KIF6: variants seen among roughly 807,000 people sequenced by gnomAD.
The protein encoded by KIF6 is kinesin family member 6, also known as kinesin-like protein KIF6.
Under a neutral mutation model 112.7 loss-of-function variants are expected in KIF6, and 106 were observed. That is an observed-to-expected ratio of 0.94 (90% CI 0.80 to 1.11). The LOEUF (loss-of-function observed/expected upper bound fraction) is 1.11. KIF6 is among the 50% of genes least tolerant of loss of function. KIF6 has a pLI of 0.00. For synonymous variants in KIF6, 339 were observed against 339.9 expected (o/e 1.00, Z 0.03); for missense variants, 929 against 964.0 (o/e 0.96, Z 0.48).
At chr6:39,674,007 T>A (rs1410456484) in intron 3 of KIF6, among the ~76,000 whole-genome samples, 2 of 152,160 alleles carry the variant, frequency 1.3e-5, no homozygotes, top group African/African-American at 2.4e-5. Flanking sequence ...TCTGGTACTA[T>A]TCTTTTGGGG....
intron 3 of KIF6, among the ~76,000 whole-genome samples, chr6:39,696,792 A>G (rs962047886): frequency 3.9e-5 from 6 of 152,060 alleles, no homozygotes; most frequent in African/African-American, 1.4e-4. Context: ...GGACACACAC[A>G]CACACACATC....
rs77357335 is a variant in KIF6, at chr6:39,671,599, T to C, written c.252-31842A>G. Among the ~76,000 whole-genome samples the C allele has an allele frequency of 7.6e-3, 1,155 of 152,280 alleles. 96 individuals carry two copies. In the East Asian group the frequency reaches 0.17, roughly 23 times the overall value. ...CTCATTCTCCAGGCACTCCCCACTA[T>C]TGTGCTTCTCACGCCATCCCAGACA... On this transcript the variant is annotated intron_variant, in intron 3 of 22. Coordinates refer to ENST00000287152, the MANE Select transcript of KIF6 (RefSeq NM_145027.6).
chr6:39,522,701 C>T (rs903194613), intron 13 of KIF6, among the ~76,000 whole-genome samples: 18 of 152,314 alleles, frequency 1.2e-4, no homozygotes, highest in East Asian at 1.2e-3. Flanking sequence ...GAACCACATC[C>T]ATCTCCTTCA....
intron 2 of KIF6, among the ~76,000 whole-genome samples, chr6:39,715,875 CT>C (rs1361258465): frequency 1.3e-5 from 2 of 152,184 alleles, no homozygotes; most frequent in African/African-American, 2.4e-5. Flanking sequence ...TGTATCACAG[CT>C]TCAGATATGA....
chr6:39,688,198 T>C (rs966197445), intron 3 of KIF6, among the ~76,000 whole-genome samples: 1 of 152,052 alleles, frequency 6.6e-6, no homozygotes, highest in African/African-American at 2.4e-5. Flanking sequence ...TCCCCTCTGA[T>C]CTCCTGCTGG....
rs553492107 is a variant in KIF6 at position 39,376,863 on chromosome 6, A to T, written c.1861+8759T>A. On this transcript the variant is annotated intron_variant, in intron 16 of 22. Coordinates refer to ENST00000287152, the MANE Select transcript of KIF6 (RefSeq NM_145027.6). The stretch of plus-strand genomic sequence containing the variant: ...GCTGCAGAACTCTTTCTTCAAATAC[A>T]AGCTTAATGGAAAGAAAAAAAAAGA... Among the ~76,000 whole-genome samples, 4 of 152,308 alleles carry T rather than the reference A, an allele frequency of 2.6e-5. No individual in the cohort carries two copies. The East Asian group carries it at 5.8e-4, about 22-fold the overall frequency.
intron 16 of KIF6, among the ~76,000 whole-genome samples, chr6:39,377,331 G>C (rs955074290): frequency 1.3e-5 from 2 of 152,024 alleles, no homozygotes; most frequent in Non-Finnish European, 2.9e-5. Context: ...TTACAGGTAT[G>C]AGCCACTGTG....
chr6:39,676,255 C>T (rs1318577032), intron 3 of KIF6, among the ~76,000 whole-genome samples: 1 of 152,166 alleles, frequency 6.6e-6, no homozygotes, highest in East Asian at 1.9e-4. Flanking sequence ...AAGACATTGC[C>T]TGAAAAAGAC....
chr6:39,706,519 T>C (rs1789221486), intron 3 of KIF6, among the ~76,000 whole-genome samples: 1 of 152,250 alleles, frequency 6.6e-6, no homozygotes, highest in Non-Finnish European at 1.5e-5. Context: ...TTTTTAATCA[T>C]AAGACCATGT....
rs1020070347 is a variant in KIF6, at chr6:39,338,704, G to A, written c.2429-2156C>T. ...GTGGGTCCAGGTGATTCTGAGGCATGGCCATGGCTGAAACTCACTGCTTTT... is the reference window on the plus strand; with the variant it reads ...GTGGGTCCAGGTGATTCTGAGGCATAGCCATGGCTGAAACTCACTGCTTTT... On this transcript the variant is annotated intron_variant, in intron 22 of 22. Coordinates refer to ENST00000287152, the MANE Select transcript of KIF6 (RefSeq NM_145027.6). 5.3e-5 allele frequency among the ~76,000 whole-genome samples: 8 copies of A among 152,328 alleles called. No homozygotes were observed. The East Asian group carries it at 1.5e-3, about 29-fold the overall frequency.
intron 13 of KIF6, among the ~76,000 whole-genome samples, chr6:39,509,596 A>G (rs1776643941): frequency 6.6e-6 from 1 of 152,242 alleles, no homozygotes; most frequent in Non-Finnish European, 1.5e-5. Flanking sequence ...ACAAGCTTCA[A>G]TAGCTGATTC....
intron 3 of KIF6, among the ~76,000 whole-genome samples, chr6:39,677,012 C>CA (rs1255701470): frequency 1.3e-5 from 2 of 151,818 alleles, no homozygotes; most frequent in Non-Finnish European, 2.9e-5. Context: ...AAAATAAAAA[C>CA]AAAAAATATA....
At chr6:39,683,689 G>C (rs1414366893) in intron 3 of KIF6, among the ~76,000 whole-genome samples, 2 of 152,298 alleles carry the variant, frequency 1.3e-5, no homozygotes, top group East Asian at 3.9e-4. Flanking sequence ...AGTGTTAAGG[G>C]CTCATGAAGG....
intron 13 of KIF6, among the ~76,000 whole-genome samples, chr6:39,509,663 T>C (rs1776647805): frequency 6.6e-6 from 1 of 151,780 alleles, no homozygotes; most frequent in African/African-American, 2.4e-5. Context: ...AAATAAAGCA[T>C]GAAGACAAGA....
intron 13 of KIF6, among the ~76,000 whole-genome samples, chr6:39,530,315 G>A (rs557950218): frequency 6.6e-6 from 1 of 152,322 alleles, no homozygotes; most frequent in African/African-American, 2.4e-5. Flanking sequence ...GTTAAAGGAG[G>A]TGGTGAGTCA....
At chr6:39,497,395 C>T (rs983717418) in intron 13 of KIF6, among the ~76,000 whole-genome samples, 8 of 152,140 alleles carry the variant, frequency 5.3e-5, no homozygotes, top group Non-Finnish European at 1.5e-5. Context: ...TGGGGAAGGC[C>T]GTAAGAGTTT....
intron 16 of KIF6, among the ~76,000 whole-genome samples, chr6:39,373,360 T>C (rs1239617461): frequency 2.0e-5 from 3 of 152,310 alleles, no homozygotes; most frequent in South Asian, 2.1e-4. Context: ...AGTGACTGTG[T>C]CTTGTGGAGG....
chr6:39,467,698 A>G (rs1473458347), intron 13 of KIF6, among the ~76,000 whole-genome samples: 6 of 152,232 alleles, frequency 3.9e-5, no homozygotes, highest in Non-Finnish European at 8.8e-5. Context: ...GGGGATCAAT[A>G]TCTAGAGCTG....
chr6:39,680,070 G>T (rs748405718), intron 3 of KIF6, among the ~76,000 whole-genome samples: 4 of 151,814 alleles, frequency 2.6e-5, no homozygotes, highest in Non-Finnish European at 5.9e-5. Context: ...GTGCAGTGGC[G>T]TGATCTCAGC....
Sources: allele counts gnomAD v4.1 joint callset (sites outside exome capture counted in the v4.1 genomes callset), GRCh38; gene constraint gnomAD v4.1.1; transcripts MANE v1.5; gene names NCBI Gene and HGNC (gene_info 2026-07-23, HGNC 2026-07-21).